FGFR1: variants seen among roughly 807,000 people sequenced by gnomAD.
FGFR1 encodes FGFR1/PLAG1 fusion.
Under a neutral mutation model 93.7 loss-of-function variants are expected in FGFR1, and 18 were observed. The observed-to-expected ratio is 0.19, with a 90% CI of 0.13 to 0.28. The LOEUF is 0.28. Among genes scored for constraint, FGFR1 ranks in the 10% least tolerant of loss-of-function variants. The pLI, the probability that FGFR1 is intolerant of heterozygous loss-of-function variation, is 1.00. For synonymous variants in FGFR1, 448 were observed against 429.3 expected, an observed-to-expected ratio of 1.04 and a Z score of -0.54; for missense variants, 731 against 1,080.4, an observed-to-expected ratio of 0.68 and a Z score of 4.53.
chr8:38,420,548 A>AC (rs1054593408), intron 8 of FGFR1, among the ~76,000 whole-genome samples: 2 of 150,568 alleles, frequency 1.3e-5, no homozygotes, highest in African/African-American at 4.9e-5. Context: ...ATTAGGACTC[A>AC]CCCCCCACCC....
rs1483447569 is a variant in FGFR1, at chr8:38,412,824, A to G, written c.*804T>C. 4.3e-6 allele frequency: 1 copy of G among 233,518 alleles called. No individual in the cohort carries two copies. The highest frequency in any genetic ancestry group is 2.2e-5 in the African/African-American group (1 of 45,370). The allele number at this position is 233,518 out of a possible 1,614,324, so 14.5% of individuals were successfully genotyped here. ...AAACAGCAAAAGTAGCAAAAAATATATGACCTTTTTAAAAACATTTTCCTT... is the reference window on the plus strand; with the variant it reads ...AAACAGCAAAAGTAGCAAAAAATATGTGACCTTTTTAAAAACATTTTCCTT... On this transcript the variant is annotated 3_prime_UTR_variant, in exon 18 of 18. Coordinates refer to ENST00000447712, the MANE Select transcript of FGFR1 (RefSeq NM_023110.3).
chr8:38,425,960 T>G, intron 6 of FGFR1, 162 bp downstream of exon 6: 1 of 868,532 alleles, frequency 1.2e-6, no homozygotes, highest in East Asian at 2.4e-5. Flanking sequence ...ATAAGAAAAG[T>G]GAGGCTCAAA....
At chr8:38,433,404 A>C (rs1824027255) in intron 2 of FGFR1, among the ~76,000 whole-genome samples, 1 of 151,922 alleles carries the variant, frequency 6.6e-6, no homozygotes, top group African/African-American at 2.4e-5. Context: ...TCTGCCTCCC[A>C]GGTTCAAGCC....
Position 38,424,625 on chromosome 8 carries a change from C to T in FGFR1, c.820G>A (p.Glu274Lys), listed in dbSNP as rs1443012936. Residue 274 changes from glutamate to lysine, a missense_variant, in exon 7 of 18, where the codon GAG becomes AAG. By Grantham distance (56) the Glu-to-Lys change is moderately conservative. Transcript: ENST00000447712. This position sits in a 1 kb window ranked among gnomAD's most constrained non-coding sequence, Gnocchi z 4.3. The part of the protein sequence containing the change: ...NKTVALGSNV[E>K]FMCKVYSDPQ... ...TCACTGTACACCTTACACATGAACTCCACGTTGCTACCCAGGGCCACTGTT... is the reference window on the plus strand; with the variant it reads ...TCACTGTACACCTTACACATGAACTTCACGTTGCTACCCAGGGCCACTGTT... 2.5e-6 allele frequency: 4 copies of T among 1,614,118 alleles called. No individual in the cohort carries two copies. Among genetic ancestry groups the T allele is most frequent in the Non-Finnish European group, 3.4e-6 (4 of 1,179,938 alleles).
intron 1 of FGFR1, among the ~76,000 whole-genome samples, chr8:38,459,874 G>C (rs540605424): frequency 6.6e-6 from 1 of 152,274 alleles, no homozygotes; most frequent in Admixed American, 6.5e-5. Flanking sequence ...TTGATTTGCA[G>C]TTCCATTGGT....
intron 2 of FGFR1, among the ~76,000 whole-genome samples, chr8:38,456,215 T>C (rs1435921290): frequency 6.6e-6 from 1 of 152,186 alleles, no homozygotes; most frequent in Non-Finnish European, 1.5e-5. Flanking sequence ...CAACCTTCTC[T>C]GTGTGACCAG....
rs905637977 is a variant in FGFR1 at position 38,437,307 on chromosome 8, A to G, written c.92-7359T>C. Among the ~76,000 whole-genome samples the G allele has an allele frequency of 2.7e-4, 41 of 152,198 alleles. 1 individual carries two copies. The highest frequency in any genetic ancestry group is 8.9e-4 in the African/African-American group (37 of 41,454). On this transcript the variant is annotated intron_variant, in intron 2 of 17. Coordinates refer to ENST00000447712, the MANE Select transcript of FGFR1 (RefSeq NM_023110.3). Reference sequence around the variant, plus strand: ...ATAGCTACCATTAGGTGACTCTGGGAGCCCTTGTCACTGTGCAAGGAGAAA... The same window carrying G: ...ATAGCTACCATTAGGTGACTCTGGGGGCCCTTGTCACTGTGCAAGGAGAAA...
At chr8:38,445,824 C>T (rs1197407623) in intron 2 of FGFR1, among the ~76,000 whole-genome samples, 1 of 151,948 alleles carries the variant, frequency 6.6e-6, no homozygotes, top group Non-Finnish European at 1.5e-5. Context: ...TACAGGTGAG[C>T]CACTGTGCCT....
chr8:38,421,674 A>T lies in FGFR1; in HGVS notation c.1081+123T>A, dbSNP rs758091287. 4 of 1,011,920 alleles carry T rather than the reference A, an allele frequency of 4.0e-6. No individual in the cohort carries two copies. In the African/African-American group the frequency reaches 6.3e-5, roughly 16 times the overall value. 62.7% of individuals were successfully genotyped at this position (1,011,920 alleles called of 1,614,324 possible). A position where few individuals can be genotyped will look rare whatever the true frequency, so the allele number is the denominator to read the frequency against. ...CAAAGCTGGGGCAGGATGTGGCACC[A>T]GGCAGGCAGGAGCCCATTCTTCCAG... On this transcript the variant is annotated intron_variant, in intron 8 of 17. Transcript: ENST00000447712.
intron 3 of FGFR1, 22 bp from the exon 4 acceptor site, chr8:38,428,457 C>T: frequency 6.3e-7 from 1 of 1,592,592 alleles, no homozygotes; most frequent in Non-Finnish European, 8.6e-7. Flanking sequence ...AGAAGGGGCA[C>T]TGAGGTTCCT....
chr8:38,413,409 G>C lies in FGFR1; in HGVS notation c.*219C>G. The C allele has an allele frequency of 1.7e-6, 1 of 579,908 alleles. No homozygotes were observed. Among genetic ancestry groups the C allele is most frequent in the Non-Finnish European group, 3.1e-6 (1 of 327,582 alleles). 35.9% of individuals were successfully genotyped at this position (579,908 alleles called of 1,614,324 possible). On this transcript the variant is annotated 3_prime_UTR_variant, in exon 18 of 18. Transcript: ENST00000447712. This position sits in a 1 kb window ranked among gnomAD's most constrained non-coding sequence, Gnocchi z 4.2. ...AGGGGATGAAGTGGCTGGCAGCAAA[G>C]ATCTGCCTCTTTGCACCTCTCACCA... is the stretch of plus-strand genomic sequence containing the variant.
chr8:38,443,714 A>G (rs1365314534), intron 2 of FGFR1, among the ~76,000 whole-genome samples: 1 of 151,928 alleles, frequency 6.6e-6, no homozygotes, highest in Non-Finnish European at 1.5e-5. Context: ...AAATAAAAAT[A>G]GTTAAAATGG....
At chr8:38,421,069 A>G (rs572320380) in intron 8 of FGFR1, among the ~76,000 whole-genome samples, 8 of 152,288 alleles carry the variant, frequency 5.3e-5, no homozygotes, top group African/African-American at 1.7e-4. Context: ...TGCCAGCAGG[A>G]ACAGCCAGAC....
chr8:38,448,149 A>G (rs1413808739), intron 2 of FGFR1, among the ~76,000 whole-genome samples: 1 of 152,244 alleles, frequency 6.6e-6, no homozygotes, highest in Admixed American at 6.5e-5. Flanking sequence ...AAAAAAGTCT[A>G]AAACAATAAA....
At chr8:38,437,798 G>C (rs1436926841) in intron 2 of FGFR1, among the ~76,000 whole-genome samples, 2 of 152,206 alleles carry the variant, frequency 1.3e-5, no homozygotes, top group African/African-American at 4.8e-5. Flanking sequence ...CAGAGACTAT[G>C]AATGCAGGGC....
intron 9 of FGFR1, 162 bp from the exon 10 acceptor site, chr8:38,418,535 G>A (rs1817591000): frequency 1.2e-6 from 1 of 835,718 alleles, no homozygotes; most frequent in East Asian, 2.7e-5. Flanking sequence ...AGGCCAGGAG[G>A]CCCAACTTCT....
rs376511681 is a variant in FGFR1, at chr8:38,468,344, C to G, written c.-452G>C. The G allele has an allele frequency of 4.4e-6, 1 of 228,238 alleles. No homozygotes were observed. Among genetic ancestry groups the G allele is most frequent in the African/African-American group, 2.2e-5 (1 of 45,032 alleles). 14.1% of individuals were successfully genotyped at this position (228,238 alleles called of 1,614,324 possible). On this transcript the variant is annotated 5_prime_UTR_variant, in exon 1 of 18. Coordinates refer to ENST00000447712, the MANE Select transcript of FGFR1 (RefSeq NM_023110.3). Reference sequence around the variant, plus strand: ...GGAGGCCCCGGCGCCGCGGCGTGCCCGACTGCAGCACGGGTACCGTGCGCC... The same window carrying G: ...GGAGGCCCCGGCGCCGCGGCGTGCCGGACTGCAGCACGGGTACCGTGCGCC...
intron 5 of FGFR1, among the ~76,000 whole-genome samples, chr8:38,427,713 T>G (rs1332571789): frequency 6.6e-6 from 1 of 152,244 alleles, no homozygotes; most frequent in African/African-American, 2.4e-5. Context: ...ATACATGATG[T>G]GATCAACTAT....
Position 38,413,823 on chromosome 8 carries a change from A to G in FGFR1, c.2293-19T>C, listed in dbSNP as rs1483465288. The stretch of plus-strand genomic sequence containing the variant: ...GGTACTCCTGTGATGGGCGAGAGGA[A>G]GCAGCGATGGGCCGGGCCCCTCCTC... On this transcript the variant is annotated intron_variant, in intron 17 of 17. Coordinates refer to ENST00000447712, the MANE Select transcript of FGFR1 (RefSeq NM_023110.3). The surrounding 1 kb of genome is among the most constrained non-coding windows in gnomAD (Gnocchi z 4.2). 1 of 1,613,890 alleles carries G rather than the reference A, an allele frequency of 6.2e-7. No homozygotes were observed.
Sources: allele counts gnomAD v4.1 joint callset (sites outside exome capture counted in the v4.1 genomes callset), GRCh38; gene constraint gnomAD v4.1.1; non-coding constraint Gnocchi (gnomAD v3.1); transcripts MANE v1.5; gene names NCBI Gene and HGNC (gene_info 2026-07-23, HGNC 2026-07-21).